The following LMNB1 variants were observed in gnomAD, a reference collection of about 807,000 sequenced individuals.
The protein encoded by LMNB1 is lamin-B1.
A neutral mutation model predicts 67.1 loss-of-function variants in LMNB1; 23 were observed. The ratio of observed to expected loss-of-function variants is 0.34; its 90% CI spans 0.25 to 0.49. The LOEUF (loss-of-function observed/expected upper bound fraction) is 0.49, where lower values mean the gene tolerates loss of function less well. Among genes scored for constraint, LMNB1 ranks in the 20% least tolerant of loss-of-function variants. The pLI, the probability that LMNB1 is intolerant of heterozygous loss-of-function variation, is 0.99. For missense variants in LMNB1, 634 were observed against 746.5 expected, an observed-to-expected ratio of 0.85 and a Z score of 1.76; for synonymous variants, 281 against 282.9, an observed-to-expected ratio of 0.99 and a Z score of 0.07.
chr5:126,819,033 G>T lies in LMNB1; in HGVS notation c.1051G>T (p.Asp351Tyr). The change falls in exon 6 of 11, where the codon GAT (aspartate) becomes TAT (tyrosine). Residue 351 changes from aspartate to tyrosine, a missense_variant. Coordinates refer to ENST00000261366, the MANE Select transcript of LMNB1 (RefSeq NM_005573.4). ...AGAGAGAGAGATGGCGGAAATAAGG[G>T]ATCAAATGCAGCAACAGCTGAATGA... ...DKEREMAEIR[D>Y]QMQQQLNDYE... 6.2e-7 allele frequency: 1 copy of T among 1,614,166 alleles called. No individual in the cohort carries two copies. The highest frequency in any genetic ancestry group is 8.5e-7 in the Non-Finnish European group (1 of 1,180,014).
At chr5:126,828,644 C>T (rs376463722) in intron 9 of LMNB1, among the ~76,000 whole-genome samples, 3 of 150,768 alleles carry the variant, frequency 2.0e-5, no homozygotes, top group South Asian at 2.1e-4. Context: ...TGGCATAGCA[C>T]GATCTCGGCT....
intron 3 of LMNB1, among the ~76,000 whole-genome samples, chr5:126,807,004 C>T (rs570184880): frequency 1.1e-4 from 16 of 152,256 alleles, no homozygotes; most frequent in African/African-American, 3.9e-4. Context: ...GTCTCAATCT[C>T]CTGACCTTGT....
At chr5:126,796,494 G>A (rs1239031529) in intron 1 of LMNB1, among the ~76,000 whole-genome samples, 2 of 152,184 alleles carry the variant, frequency 1.3e-5, no homozygotes, top group East Asian at 1.9e-4. Context: ...GGTCAAACTG[G>A]CGGCATGTTG....
chr5:126,811,254 T>C (rs1222834013), intron 4 of LMNB1, among the ~76,000 whole-genome samples: 3 of 152,236 alleles, frequency 2.0e-5, no homozygotes, highest in Non-Finnish European at 2.9e-5. Context: ...AGCATGTCCC[T>C]GAGACACACA....
At chr5:126,823,108 A>G (rs982130591) in intron 8 of LMNB1, among the ~76,000 whole-genome samples, 2 of 152,218 alleles carry the variant, frequency 1.3e-5, no homozygotes, top group African/African-American at 4.8e-5. Context: ...CTATTCCAGT[A>G]GATATAAAAG....
chr5:126,794,599 C>A (rs1233513177), intron 1 of LMNB1, among the ~76,000 whole-genome samples: 1 of 152,128 alleles, frequency 6.6e-6, no homozygotes, highest in African/African-American at 2.4e-5. Context: ...CACTTGAGTA[C>A]TGCACTAGTG....
chr5:126,802,829 T>C (rs1751319327), intron 1 of LMNB1, among the ~76,000 whole-genome samples: 1 of 152,170 alleles, frequency 6.6e-6, no homozygotes, highest in Non-Finnish European at 1.5e-5. Flanking sequence ...AATATAATTA[T>C]TGGGCAAAAT....
rs1051080140 is a variant in LMNB1, at chr5:126,805,588, T to C, written c.534T>C (p.Ala178=). 1 of 1,609,170 alleles carries C rather than the reference T, an allele frequency of 6.2e-7. No individual in the cohort carries two copies. Among genetic ancestry groups the C allele is most frequent in the Admixed American group, 1.7e-5 (1 of 59,868 alleles). The part of the protein sequence containing the change: ...DQIAQLEASL[A]AAKKQLADET... ...TGTAATAGTTGGAAGCCTCCTTAGC[T>C]GCAGCCAAAAAACAGTTAGCAGATG... The change falls in exon 3 of 11, where the codon GCT becomes GCC. Residue 178 remains alanine (A), a synonymous_variant. Coordinates refer to ENST00000261366, the MANE Select transcript of LMNB1 (RefSeq NM_005573.4).
intron 8 of LMNB1, among the ~76,000 whole-genome samples, chr5:126,824,015 T>C (rs1180004256): frequency 6.6e-6 from 1 of 152,202 alleles, no homozygotes; most frequent in Non-Finnish European, 1.5e-5. Flanking sequence ...ATCATGTGCT[T>C]TTTCTACTGG....
intron 1 of LMNB1, 106 bp downstream of exon 1, chr5:126,777,973 G>C: frequency 9.7e-7 from 1 of 1,032,036 alleles, no homozygotes; most frequent in South Asian, 2.2e-5. Context: ...AGGCCAGGAT[G>C]CACGCGTCCT....
intron 3 of LMNB1, among the ~76,000 whole-genome samples, chr5:126,806,781 A>AT (rs34847891): frequency 0.29 from 42,570 of 147,898 alleles, 6,336 homozygotes; most frequent in South Asian, 0.4. Flanking sequence ...AGGCGTGTAA[A>AT]TTTTTTTTTT....
intron 8 of LMNB1, among the ~76,000 whole-genome samples, chr5:126,825,111 T>C (rs565744699): frequency 2.6e-5 from 4 of 152,336 alleles, no homozygotes; most frequent in Admixed American, 6.5e-5. Flanking sequence ...TTTTAAATGA[T>C]CTTTCTAAGA....
At chr5:126,822,267 G>A (rs1160310692) in intron 7 of LMNB1, among the ~76,000 whole-genome samples, 4 of 152,182 alleles carry the variant, frequency 2.6e-5, no homozygotes, top group Non-Finnish European at 5.9e-5. Context: ...TGGGATTACA[G>A]GCATGGGCCA....
At chr5:126,806,360 C>T (rs1273403302) in intron 3 of LMNB1, among the ~76,000 whole-genome samples, 6 of 152,202 alleles carry the variant, frequency 3.9e-5, no homozygotes, top group Admixed American at 1.3e-4. Flanking sequence ...CAAAGTTCAT[C>T]AACCTAAAAC....
At chr5:126,811,713 A>G in intron 4 of LMNB1, 60 bp from the exon 5 acceptor site, 2 of 1,513,100 alleles carry the variant, frequency 1.3e-6, no homozygotes, top group South Asian at 1.2e-5. Context: ...GAGGTGAATC[A>G]TGCTTCCTTT....
rs1260332549 is a variant in LMNB1 at position 126,777,689 on chromosome 5, C to T, written c.181C>T (p.Gln61Ter). 2 of 1,545,286 alleles carry T rather than the reference C, an allele frequency of 1.3e-6. No individual in the cohort carries two copies. Among genetic ancestry groups the T allele is most frequent in the Non-Finnish European group, 1.7e-6 (2 of 1,144,832 alleles). Residue 61 changes from glutamine to a stop codon, truncating the protein, a stop_gained, in exon 1 of 11, where the codon CAG becomes TAG. Coordinates refer to ENST00000261366, the MANE Select transcript of LMNB1 (RefSeq NM_005573.4). LOFTEE classifies it high-confidence loss of function. ...CCTGGAGACGGAGAACAGCGCGCTG[C>T]AGCTGCAGGTGACGGAGCGCGAGGA... is the stretch of plus-strand genomic sequence containing the variant. ...RSLETENSAL[Q>*]LQVTEREEVR...
At chr5:126,790,327 A>T (rs1287432972) in intron 1 of LMNB1, among the ~76,000 whole-genome samples, 1 of 151,902 alleles carries the variant, frequency 6.6e-6, no homozygotes, top group African/African-American at 2.4e-5. Flanking sequence ...GCTGGTCTCG[A>T]ACTCCTGACC....
chr5:126,836,207 C>T lies in LMNB1; in HGVS notation c.1720-16C>T, dbSNP rs749660199. ...ATTTCTTTAGTATTAATTTTTCCTT[C>T]TGTTTTCCTCATCAGGGAACCCCAA... On this transcript the variant is annotated splice_polypyrimidine_tract_variant and intron_variant, in intron 10 of 10. Transcript: ENST00000261366. The T allele has an allele frequency of 5.0e-6, 8 of 1,598,210 alleles. No homozygotes were observed. The African/African-American group carries it at 1.1e-4, about 21-fold the overall frequency.
At chr5:126,805,315 T>C (rs1362950096) in intron 2 of LMNB1, among the ~76,000 whole-genome samples, 1 of 152,226 alleles carries the variant, frequency 6.6e-6, no homozygotes, top group Non-Finnish European at 1.5e-5. Flanking sequence ...ATTTTTGAAA[T>C]GTGAGTGAGT....
Sources: allele counts gnomAD v4.1 joint callset (sites outside exome capture counted in the v4.1 genomes callset), GRCh38; gene constraint gnomAD v4.1.1; transcripts MANE v1.5; gene names NCBI Gene and HGNC (gene_info 2026-07-23, HGNC 2026-07-21).